VPS53: variants seen among roughly 807,000 people sequenced by gnomAD.
The protein encoded by VPS53 is VPS53 subunit of GARP complex, also known as vacuolar protein sorting-associated protein 53 homolog.
Under a neutral mutation model 107.0 loss-of-function variants are expected in VPS53, and 70 were observed. The ratio of observed to expected loss-of-function variants is 0.65; its 90% CI spans 0.54 to 0.80. The LOEUF (loss-of-function observed/expected upper bound fraction) is 0.80, where lower values mean the gene tolerates loss of function less well. Among genes scored for constraint, VPS53 ranks in the 30% least tolerant of loss-of-function variants. VPS53 has a pLI of 0.00. For missense variants in VPS53, 917 were observed against 1,049.4 expected (o/e 0.87, Z 1.74); for synonymous variants, 409 against 393.3 (o/e 1.04, Z -0.47).
intron 12 of VPS53, among the ~76,000 whole-genome samples, chr17:592,617 C>A (rs548898069): frequency 5.9e-5 from 9 of 151,980 alleles, no homozygotes; most frequent in Non-Finnish European, 1.2e-4. Context: ...AGTTGCCTGT[C>A]TGTGAAGTAT....
chr17:675,107 G>A (rs1215697777), intron 4 of VPS53: 1 of 152,134 alleles, frequency 6.6e-6, no homozygotes, highest in African/African-American at 2.4e-5. Flanking sequence ...AATGAATCAA[G>A]AACAGATCAG....
chr17:594,890 G>GC (rs1280632901), intron 12 of VPS53, among the ~76,000 whole-genome samples: 2 of 70,822 alleles, frequency 2.8e-5, no homozygotes, highest in Non-Finnish European at 3.2e-5. Flanking sequence ...GCACTCTAGT[G>GC]TCCCCCTGGA....
At chr17:624,744 T>G (rs979702056) in intron 10 of VPS53, among the ~76,000 whole-genome samples, 5 of 152,206 alleles carry the variant, frequency 3.3e-5, no homozygotes, top group East Asian at 1.9e-4. Context: ...TTTGCAAGTC[T>G]GCTGAACTGT....
chr17:589,076 G>A (rs943591903), intron 12 of VPS53, among the ~76,000 whole-genome samples: 8 of 151,640 alleles, frequency 5.3e-5, no homozygotes, highest in Non-Finnish European at 7.4e-5. Context: ...AAGTATTATA[G>A]CTATTCTTTT....
At chr17:598,767 G>A (rs1968139463) in intron 12 of VPS53, among the ~76,000 whole-genome samples, 1 of 131,050 alleles carries the variant, frequency 7.6e-6, no homozygotes, top group African/African-American at 2.7e-5. Context: ...CCGCCCGGCA[G>A]CCGCCCCGTC....
rs144675541 is a variant in VPS53, at chr17:583,324, A to T, written c.1313+2946T>A. 3.5e-3 allele frequency among the ~76,000 whole-genome samples: 489 copies of T among 141,448 alleles called. 7 individuals are homozygous for T. In the East Asian group the frequency reaches 0.038, roughly 11 times the overall value. The allele number at this position is 141,448 out of a possible 152,430, so 92.8% of individuals were successfully genotyped here. On this transcript the variant is annotated intron_variant, in intron 13 of 21. Coordinates refer to ENST00000437048, the MANE Select transcript of VPS53 (RefSeq NM_001128159.3). ...GAGAACCTCCCTGAGGACATAATGCATTCCCACAGAACCTCCCTCAGAACC... is the reference window on the plus strand; with the variant it reads ...GAGAACCTCCCTGAGGACATAATGCTTTCCCACAGAACCTCCCTCAGAACC...
chr17:659,528 T>A (rs139726954), intron 5 of VPS53, among the ~76,000 whole-genome samples: 45 of 152,066 alleles, frequency 3.0e-4, no homozygotes, highest in African/African-American at 1.1e-3. Context: ...TGATCCCCCC[T>A]CCTTGGCCTC....
At chr17:601,936 A>G (rs1446873117) in intron 11 of VPS53, 40 bp from the exon 12 acceptor site, 1 of 1,410,838 alleles carries the variant, frequency 7.1e-7, no homozygotes, top group African/African-American at 1.5e-5. Context: ...TTTTCTGAGC[A>G]TATTCAATAG....
intron 11 of VPS53, among the ~76,000 whole-genome samples, chr17:604,508 A>AG (rs1236449648): frequency 6.6e-6 from 1 of 152,254 alleles, no homozygotes; most frequent in East Asian, 1.9e-4. Flanking sequence ...AGGTGAGCAC[A>AG]GGCCACTCGC....
chr17:543,916 G>A (rs1399347774), intron 17 of VPS53, among the ~76,000 whole-genome samples: 6 of 97,518 alleles, frequency 6.2e-5, no homozygotes, highest in Admixed American at 5.1e-4. Flanking sequence ...AGGGAGGGGA[G>A]GGGACAGGGG....
At chr17:597,458 G>T (rs1968028532) in intron 12 of VPS53, among the ~76,000 whole-genome samples, 1 of 152,224 alleles carries the variant, frequency 6.6e-6, no homozygotes, top group South Asian at 2.1e-4. Context: ...GATGGCGTGG[G>T]TGGAGGCATT....
At chr17:553,566 TC>T in intron 15 of VPS53, 104 bp from the exon 16 acceptor site, 1 of 859,838 alleles carries the variant, frequency 1.2e-6, no homozygotes, top group Non-Finnish European at 1.7e-6. Flanking sequence ...CAGGCATAAT[TC>T]CATACACTTT....
intron 11 of VPS53, among the ~76,000 whole-genome samples, chr17:604,000 A>G (rs907237179): frequency 5.9e-5 from 9 of 152,236 alleles, no homozygotes; most frequent in Non-Finnish European, 1.0e-4. Context: ...CTTTGTAGAT[A>G]TGAAAAGCAA....
intron 11 of VPS53, among the ~76,000 whole-genome samples, chr17:607,151 T>A (rs945750462): frequency 1.3e-5 from 2 of 152,176 alleles, no homozygotes; most frequent in Non-Finnish European, 2.9e-5. Flanking sequence ...AAGGCAAAAC[T>A]GTTGTGCTTC....
chr17:624,574 G>A (rs1300138387), intron 10 of VPS53, among the ~76,000 whole-genome samples: 1 of 152,230 alleles, frequency 6.6e-6, no homozygotes, highest in Non-Finnish European at 1.5e-5. Context: ...ATTTGAGAAT[G>A]ATGTATCTGT....
intron 4 of VPS53, among the ~76,000 whole-genome samples, chr17:685,373 G>A (rs973367780): frequency 2.6e-5 from 4 of 152,146 alleles, no homozygotes; most frequent in African/African-American, 4.8e-5. Flanking sequence ...CTTACTACAC[G>A]ATGGTGCAAA....
At chr17:536,250 C>T (rs1289950671) in intron 18 of VPS53, among the ~76,000 whole-genome samples, 1 of 152,096 alleles carries the variant, frequency 6.6e-6, no homozygotes, top group Non-Finnish European at 1.5e-5. Context: ...ATCCCAATTT[C>T]TAGTGCCTTC....
At chr17:565,391 G>A (rs1484414911) in intron 13 of VPS53, among the ~76,000 whole-genome samples, 9 of 94,012 alleles carry the variant, frequency 9.6e-5, no homozygotes, top group Admixed American at 1.5e-4. Flanking sequence ...CAACAAGAGC[G>A]AAACCCCATC....
intron 11 of VPS53, among the ~76,000 whole-genome samples, chr17:605,845 G>A (rs1348908616): frequency 4.6e-5 from 7 of 152,022 alleles, no homozygotes; most frequent in South Asian, 2.1e-4. Context: ...GCCCCATCAC[G>A]CAGCCTTTTG....
Sources: allele counts gnomAD v4.1 joint callset (sites outside exome capture counted in the v4.1 genomes callset), GRCh38; gene constraint gnomAD v4.1.1; transcripts MANE v1.5; gene names NCBI Gene and HGNC (gene_info 2026-07-23, HGNC 2026-07-21).